The following PCDH9 variants were observed in gnomAD, a reference collection of about 807,000 sequenced individuals.
PCDH9 encodes the protein protocadherin-9.
A neutral mutation model predicts 70.6 loss-of-function variants in PCDH9; 24 were observed. That is an observed-to-expected ratio of 0.34 (90% CI 0.25 to 0.48). The LOEUF is 0.48. Among genes scored for constraint, PCDH9 ranks in the 20% least tolerant of loss-of-function variants. PCDH9 has a pLI of 0.99. For synonymous variants in PCDH9, 562 were observed against 558.5 expected (o/e 1.01, Z -0.09); for missense variants, 1,281 against 1,503.6 (o/e 0.85, Z 2.45).
intron 2 of PCDH9, among the ~76,000 whole-genome samples, chr13:67,107,850 G>GC (rs929484383): frequency 2.6e-5 from 4 of 152,146 alleles, no homozygotes; most frequent in African/African-American, 9.6e-5. Context: ...AGACCTAGAG[G>GC]CCCCCCAAGC....
chr13:67,017,332 T>C (rs1313824370), intron 2 of PCDH9, among the ~76,000 whole-genome samples: 1 of 152,240 alleles, frequency 6.6e-6, no homozygotes, highest in Non-Finnish European at 1.5e-5. Context: ...GGTTTTACTA[T>C]AAATGAAGTT....
At chr13:66,529,347 A>G (rs999731401) in intron 4 of PCDH9, among the ~76,000 whole-genome samples, 1 of 152,084 alleles carries the variant, frequency 6.6e-6, no homozygotes, top group Non-Finnish European at 1.5e-5. Context: ...CCTTCTTTAT[A>G]CCAATAATAG....
chr13:66,594,017 A>T (rs1387531937), intron 4 of PCDH9, among the ~76,000 whole-genome samples: 1 of 151,710 alleles, frequency 6.6e-6, no homozygotes, highest in African/African-American at 2.4e-5. Context: ...CATAAGTGAC[A>T]CAGTTACTGT....
intron 4 of PCDH9, among the ~76,000 whole-genome samples, chr13:66,385,522 C>T (rs1956913876): frequency 6.6e-6 from 1 of 152,102 alleles, no homozygotes; most frequent in Non-Finnish European, 1.5e-5. Context: ...TTTCCCATTC[C>T]AGCCCCACAA....
At chr13:67,092,127 A>G (rs2086230131) in intron 2 of PCDH9, among the ~76,000 whole-genome samples, 1 of 152,088 alleles carries the variant, frequency 6.6e-6, no homozygotes, top group Admixed American at 6.6e-5. Context: ...TTTCATTTTG[A>G]TCTTACCTTT....
chr13:66,945,202 A>G (rs899692340), intron 2 of PCDH9, among the ~76,000 whole-genome samples: 1 of 144,340 alleles, frequency 6.9e-6, no homozygotes, highest in Non-Finnish European at 1.5e-5. Flanking sequence ...TTACCTGCCT[A>G]AAAAGGCAAC....
intron 2 of PCDH9, among the ~76,000 whole-genome samples, chr13:66,941,546 CAAAA>C (rs951705636): frequency 2.0e-5 from 3 of 151,528 alleles, no homozygotes; most frequent in Non-Finnish European, 3.0e-5. Flanking sequence ...TAGCTAAAAA[CAAAA>C]AGATAGAAAA....
intron 2 of PCDH9, among the ~76,000 whole-genome samples, chr13:67,035,904 T>A (rs1398039906): frequency 6.6e-6 from 1 of 152,170 alleles, no homozygotes; most frequent in African/African-American, 2.4e-5. Flanking sequence ...TAAAAAGTTT[T>A]CATCTGGCCA....
At chr13:67,072,934 G>A (rs2085797693) in intron 2 of PCDH9, among the ~76,000 whole-genome samples, 1 of 152,022 alleles carries the variant, frequency 6.6e-6, no homozygotes, top group Non-Finnish European at 1.5e-5. Context: ...ATTTATTTTT[G>A]TTCTTCCAAC....
At chr13:66,940,927 TATGAATAA>T (rs930454549) in intron 2 of PCDH9, among the ~76,000 whole-genome samples, 1 of 151,980 alleles carries the variant, frequency 6.6e-6, no homozygotes, top group Non-Finnish European at 1.5e-5. Context: ...TTAGGATTCT[TATGAATAA>T]ACTGGCCAAA....
chr13:66,881,317 GT>G (rs1188265612), intron 3 of PCDH9, among the ~76,000 whole-genome samples: 1 of 152,176 alleles, frequency 6.6e-6, no homozygotes, highest in Non-Finnish European at 1.5e-5. Flanking sequence ...GGCTGGGGAG[GT>G]CTCACAATCA....
chr13:66,925,643 AT>A (rs1483402034), intron 2 of PCDH9, among the ~76,000 whole-genome samples: 5 of 151,926 alleles, frequency 3.3e-5, no homozygotes, highest in Non-Finnish European at 5.9e-5. Context: ...CATATTGCAT[AT>A]TAAATGCCTC....
chr13:66,850,694 T>C (rs1566240315), intron 3 of PCDH9, among the ~76,000 whole-genome samples: 1 of 152,174 alleles, frequency 6.6e-6, no homozygotes, highest in African/African-American at 2.4e-5. Flanking sequence ...GAAAATATAT[T>C]CCAGTGATTA....
intron 3 of PCDH9, among the ~76,000 whole-genome samples, chr13:66,635,465 G>A (rs754787505): frequency 6.6e-6 from 1 of 152,076 alleles, no homozygotes; most frequent in Non-Finnish European, 1.5e-5. Context: ...ACAATTAATA[G>A]TGCCATGTGT....
intron 4 of PCDH9, among the ~76,000 whole-genome samples, chr13:66,386,953 T>C (rs1956939420): frequency 6.6e-6 from 1 of 152,188 alleles, no homozygotes; most frequent in East Asian, 1.9e-4. Context: ...GTTTTTATGT[T>C]CTACCAAGAA....
At chr13:66,406,085 G>T (rs1174029891) in intron 4 of PCDH9, among the ~76,000 whole-genome samples, 4 of 152,106 alleles carry the variant, frequency 2.6e-5, no homozygotes, top group African/African-American at 9.7e-5. Context: ...TGGGCATGCA[G>T]GATTGTGGAT....
intron 4 of PCDH9, among the ~76,000 whole-genome samples, chr13:66,376,823 TACA>T (rs1315593285): frequency 2.0e-5 from 3 of 152,176 alleles, no homozygotes; most frequent in African/African-American, 7.2e-5. Flanking sequence ...ATTCTGGCAA[TACA>T]TTAAAAAAGA....
intron 2 of PCDH9, among the ~76,000 whole-genome samples, chr13:67,175,675 G>A (rs1271963398): frequency 6.6e-6 from 1 of 152,052 alleles, no homozygotes; most frequent in Non-Finnish European, 1.5e-5. Context: ...TTTCCCTTAG[G>A]ATGAGAAAGA....
At chr13:66,752,118 G>A (rs2079469233) in intron 3 of PCDH9, among the ~76,000 whole-genome samples, 1 of 152,128 alleles carries the variant, frequency 6.6e-6, no homozygotes, top group South Asian at 2.1e-4. Flanking sequence ...CTAAGGAGCA[G>A]CAGAAGCCAA....
Sources: allele counts gnomAD v4.1 joint callset (sites outside exome capture counted in the v4.1 genomes callset), GRCh38; gene constraint gnomAD v4.1.1; transcripts MANE v1.5; gene names NCBI Gene and HGNC (gene_info 2026-07-23, HGNC 2026-07-21).